The following MYO5C variants were observed in gnomAD, a reference collection of about 807,000 sequenced individuals.
MYO5C encodes the protein myosin VC.
In MYO5C, 194 loss-of-function variants were observed where a neutral mutation model predicts 235.7. That is an observed-to-expected ratio of 0.82 (90% CI 0.73 to 0.93). MYO5C has a LOEUF of 0.93. Ranked by LOEUF, MYO5C falls within the 40% of genes least tolerant of loss-of-function variation. The probability of loss-of-function intolerance (pLI) is 0.00; values close to 1 mark genes in which losing one functional copy is unlikely to be tolerated. For synonymous variants in MYO5C, 707 were observed against 754.8 expected, an observed-to-expected ratio of 0.94 and a Z score of 1.04; for missense variants, 2,038 against 2,127.2, an observed-to-expected ratio of 0.96 and a Z score of 0.82.
intron 34 of MYO5C, among the ~76,000 whole-genome samples, chr15:52,212,098 ACTTT>A (rs2035454341): frequency 6.6e-6 from 1 of 152,194 alleles, no homozygotes; most frequent in African/African-American, 2.4e-5. Context: ...TTTACAAAGG[ACTTT>A]CTCTTTCTTA....
chr15:52,206,160 A>G (rs1423883031), intron 36 of MYO5C, among the ~76,000 whole-genome samples, 194 bp from the exon 37 acceptor site: 1 of 152,164 alleles, frequency 6.6e-6, no homozygotes, highest in Non-Finnish European at 1.5e-5. Flanking sequence ...AGTCTATCAC[A>G]CTGTCATTGT....
intron 4 of MYO5C, among the ~76,000 whole-genome samples, chr15:52,276,595 G>A (rs774720186): frequency 2.6e-5 from 4 of 152,158 alleles, no homozygotes; most frequent in African/African-American, 4.8e-5. Context: ...GTCAGGAACC[G>A]TCATGAAATC....
chr15:52,199,553 C>T (rs183541746), intron 38 of MYO5C, among the ~76,000 whole-genome samples: 2 of 136,624 alleles, frequency 1.5e-5, no homozygotes, highest in African/African-American at 5.2e-5. Context: ...GGCCTCTACT[C>T]GCCACAGGTT....
At chr15:52,279,720 T>TG in intron 2 of MYO5C, 46 bp from the exon 3 acceptor site, 1 of 1,567,880 alleles carries the variant, frequency 6.4e-7, no homozygotes, top group Non-Finnish European at 8.7e-7. Flanking sequence ...AAAAGATTTT[T>TG]GGTGTTTCTG....
chr15:52,235,971 T>G (rs966813318), intron 22 of MYO5C, among the ~76,000 whole-genome samples: 1 of 152,230 alleles, frequency 6.6e-6, no homozygotes, highest in Non-Finnish European at 1.5e-5. Context: ...AAGGTGACAC[T>G]ATTCCCGACC....
intron 4 of MYO5C, chr15:52,277,745 G>A (rs901722228): frequency 4.7e-6 from 2 of 427,172 alleles, no homozygotes; most frequent in African/African-American, 4.0e-5. Context: ...CAGGGACAGG[G>A]AGCTGCACGG....
At chr15:52,286,665 A>G (rs1176894176) in intron 1 of MYO5C, among the ~76,000 whole-genome samples, 1 of 152,152 alleles carries the variant, frequency 6.6e-6, no homozygotes, top group Non-Finnish European at 1.5e-5. Context: ...TCTCTGAAAC[A>G]TGTGCTGTGT....
Position 52,248,707 on chromosome 15 carries a change from G to T in MYO5C, c.1739C>A (p.Ala580Glu), listed in dbSNP as rs755373002. 2.0e-5 allele frequency: 33 copies of T among 1,613,054 alleles called. No individual in the cohort carries two copies. The highest frequency in any genetic ancestry group is 2.6e-5 in the Non-Finnish European group (31 of 1,179,416). ...CCCTAGGACTTTACAGACCTTGCTT[G>T]CTCTCAGGATTTCAACCAGCATGTC... Reference protein sequence around the residue: ...VYDMLVEILRASKFHLCANFF... With the variant: ...VYDMLVEILRESKFHLCANFF... Residue 580 changes from alanine (A) to glutamate (E), a missense_variant, in exon 14 of 41, where the codon GCA becomes GAA. Coordinates refer to ENST00000261839, the MANE Select transcript of MYO5C (RefSeq NM_018728.4).
chr15:52,256,707 C>A lies in MYO5C; in HGVS notation c.1327G>T (p.Asp443Tyr). 1 of 1,612,026 alleles carries A rather than the reference C, an allele frequency of 6.2e-7. No homozygotes were observed. Among genetic ancestry groups the A allele is most frequent in the Middle Eastern group, 1.7e-4 (1 of 6,056 alleles). The change falls in exon 11 of 41, where the codon GAT becomes TAT. Residue 443 changes from aspartate to tyrosine, a missense_variant. Physicochemically the swap from Asp to Tyr is radical, Grantham distance 160 (BLOSUM62 -3). Coordinates refer to ENST00000261839, the MANE Select transcript of MYO5C (RefSeq NM_018728.4). ...VLDIYGFETF[D>Y]VNSFEQFCIN... ...CAAAATTGTTCAAAGCTGTTCACATCAAAGGTTTCAAAACTGAAATACAAT... is the reference window on the plus strand; with the variant it reads ...CAAAATTGTTCAAAGCTGTTCACATAAAAGGTTTCAAAACTGAAATACAAT...
chr15:52,242,292 C>T (rs1404754407), intron 19 of MYO5C, 79 bp from the exon 20 acceptor site: 4 of 1,460,426 alleles, frequency 2.7e-6, no homozygotes, highest in Non-Finnish European at 3.7e-6. Context: ...GCTTGGCTAG[C>T]ATGTGTTTAT....
intron 1 of MYO5C, 112 bp downstream of exon 1, chr15:52,295,498 T>G (rs1255675879): frequency 7.8e-7 from 1 of 1,279,088 alleles, no homozygotes. Context: ...CCGCCCGCCC[T>G]GCCGTGTCAG....
intron 28 of MYO5C, among the ~76,000 whole-genome samples, chr15:52,224,663 A>G (rs185981727): frequency 1.5e-3 from 228 of 152,352 alleles, no homozygotes; most frequent in African/African-American, 5.3e-3. Context: ...CTTATTTGAT[A>G]ATCAGTTTTC....
Position 52,267,403 on chromosome 15 carries a change from T to C in MYO5C, c.940+2350A>G, listed in dbSNP as rs8042775. On this transcript the variant is annotated intron_variant, in intron 8 of 40. Coordinates refer to ENST00000261839, the MANE Select transcript of MYO5C (RefSeq NM_018728.4). The stretch of plus-strand genomic sequence containing the variant: ...ACTCACAGATCAAGACACTAAGTCT[T>C]GGCTGGACATGGTGGCTTATGCCTG... 5.0e-3 allele frequency among the ~76,000 whole-genome samples: 754 copies of C among 152,318 alleles called. 7 individuals are homozygous for C. Among genetic ancestry groups the C allele is most frequent in the African/African-American group, 0.017 (719 of 41,578 alleles).
At chr15:52,246,442 C>T (rs2036345942) in intron 16 of MYO5C, among the ~76,000 whole-genome samples, 1 of 152,176 alleles carries the variant, frequency 6.6e-6, no homozygotes, top group Admixed American at 6.5e-5. Flanking sequence ...CCCATACACA[C>T]ACTCACCACC....
intron 20 of MYO5C, among the ~76,000 whole-genome samples, chr15:52,240,380 G>A (rs954128452): frequency 6.6e-6 from 1 of 151,794 alleles, no homozygotes; most frequent in Admixed American, 6.6e-5. Flanking sequence ...ACCAGCCTAG[G>A]CAACATAGCA....
intron 20 of MYO5C, among the ~76,000 whole-genome samples, chr15:52,241,056 A>G (rs1031872327): frequency 3.3e-5 from 5 of 152,170 alleles, no homozygotes; most frequent in African/African-American, 1.2e-4. Context: ...TTCTGAGTCT[A>G]AAGCTGCTGC....
chr15:52,205,746 T>C (rs1038541275), intron 37 of MYO5C, 70 bp downstream of exon 37: 1 of 988,284 alleles, frequency 1.0e-6, no homozygotes, highest in Admixed American at 2.5e-5. Context: ...ACATTACACA[T>C]ACCAAGTTTA....
At chr15:52,202,816 G>GT (rs1187021670) in intron 38 of MYO5C, among the ~76,000 whole-genome samples, 1 of 152,046 alleles carries the variant, frequency 6.6e-6, no homozygotes, top group African/African-American at 2.4e-5. Flanking sequence ...CTAAAAAGGT[G>GT]TAAGGGATGC....
Position 52,225,422 on chromosome 15 carries a change from A to T in MYO5C, c.3301+17T>A. ...TCAGTCTGCACCCATGGACTAAGAG[A>T]CTCATATTTTTATTACCTCTCATTT... On this transcript the variant is annotated intron_variant, in intron 26 of 40. Transcript: ENST00000261839. 4 of 1,524,236 alleles carry T rather than the reference A, an allele frequency of 2.6e-6. No individual in the cohort carries two copies. Among genetic ancestry groups the T allele is most frequent in the Non-Finnish European group, 3.6e-6 (4 of 1,098,288 alleles). 94.4% of individuals were successfully genotyped at this position (1,524,236 alleles called of 1,614,324 possible).
Sources: gnomAD v4.1 joint callset for allele counts (sites outside exome capture counted in the v4.1 genomes callset) on GRCh38, gnomAD v4.1.1 for gene constraint, MANE v1.5 for transcripts, NCBI Gene and HGNC (gene_info 2026-07-23, HGNC 2026-07-21) for gene names.